PIEZO2: variants seen among roughly 807,000 people sequenced by gnomAD.
PIEZO2 encodes the protein piezo type mechanosensitive ion channel component 2.
A neutral mutation model predicts 337.3 loss-of-function variants in PIEZO2; 172 were observed. The observed-to-expected ratio is 0.51, with a 90% confidence interval of 0.45 to 0.58. PIEZO2 has a LOEUF of 0.58. PIEZO2 is among the 20% of genes least tolerant of loss of function. PIEZO2 has a pLI of 0.00. For missense variants in PIEZO2, 3,028 were observed against 3,391.3 expected (o/e 0.89, Z 2.66); for synonymous variants, 1,251 against 1,228.5 (o/e 1.02, Z -0.38).
Position 10,847,018 on chromosome 18 carries a change from C to A in PIEZO2, c.917+8335G>T, listed in dbSNP as rs1289564831. The stretch of plus-strand genomic sequence containing the variant: ...CACTCTGGGCTGGGCACTATCTTCA[C>A]CCCTATTTTATAAATAAGGAAACAG... On this transcript the variant is annotated intron_variant, in intron 7 of 55. Coordinates refer to ENST00000674853, the MANE Select transcript of PIEZO2 (RefSeq NM_001378183.1). The surrounding 1 kb of genome is among the most constrained non-coding windows in gnomAD (Gnocchi z 5.7). 6.6e-6 allele frequency among the ~76,000 whole-genome samples: 1 copy of A among 152,202 alleles called. No individual in the cohort carries two copies. The highest frequency in any genetic ancestry group is 1.5e-5 in the Non-Finnish European group (1 of 68,046).
intron 42 of PIEZO2, among the ~76,000 whole-genome samples, chr18:10,702,572 T>C (rs192441457): frequency 6.6e-6 from 1 of 152,380 alleles, no homozygotes. Flanking sequence ...TCTGTATTTC[T>C]TTAATTCGCA....
intron 36 of PIEZO2, among the ~76,000 whole-genome samples, chr18:10,721,599 G>A (rs956003082): frequency 6.6e-6 from 1 of 151,844 alleles, no homozygotes; most frequent in Non-Finnish European, 1.5e-5. Context: ...GGTAGTGAGA[G>A]GAGTTTGCCT....
intron 3 of PIEZO2, among the ~76,000 whole-genome samples, chr18:10,956,580 C>G (rs1365442095): frequency 6.6e-6 from 1 of 152,196 alleles, no homozygotes; most frequent in Non-Finnish European, 1.5e-5. Context: ...CTAAAACAAT[C>G]TTGGACAAGG....
chr18:10,928,577 T>C (rs1360214327), intron 3 of PIEZO2, among the ~76,000 whole-genome samples: 2 of 152,230 alleles, frequency 1.3e-5, no homozygotes, highest in African/African-American at 4.8e-5. Flanking sequence ...AAAAGTTTTG[T>C]TGTAAATGAA....
chr18:10,731,175 GATTAT>G lies in PIEZO2; in HGVS notation c.5029+227_5029+231del, dbSNP rs1388688871. Among the ~76,000 whole-genome samples, 8,015 of 117,062 alleles carry G rather than the reference GATTAT, an allele frequency of 0.068. 599 individuals are homozygous for G. Among genetic ancestry groups the G allele is most frequent in the Middle Eastern group, 0.089 (19 of 214 alleles). The allele number at this position is 117,062 out of a possible 152,430, so 76.8% of individuals were successfully genotyped here. ...AACTCTCCTTTTTTCCTACTTAAAAGATTATATATATATATATATATATATATATA... is the reference window on the plus strand; with the variant it reads ...AACTCTCCTTTTTTCCTACTTAAAAGATATATATATATATATATATATATA... On this transcript the variant is annotated intron_variant, in intron 36 of 55. Coordinates refer to ENST00000674853, the MANE Select transcript of PIEZO2 (RefSeq NM_001378183.1).
Position 10,952,944 on chromosome 18 carries a change from A to G in PIEZO2, c.286+26591T>C, listed in dbSNP as rs2033365244. On this transcript the variant is annotated intron_variant, in intron 3 of 55. Coordinates refer to ENST00000674853, the MANE Select transcript of PIEZO2 (RefSeq NM_001378183.1). The surrounding 1 kb of genome is among the most constrained non-coding windows in gnomAD (Gnocchi z 4.1). ...CTTCCTTCTTTTTTTCATTCTAAGAAGTATATAGTAGTCATCTCCGGTTTT... is the reference window on the plus strand; with the variant it reads ...CTTCCTTCTTTTTTTCATTCTAAGAGGTATATAGTAGTCATCTCCGGTTTT... Among the ~76,000 whole-genome samples, 1 of 150,828 alleles carries G rather than the reference A, an allele frequency of 6.6e-6. No individual in the cohort carries two copies. Among genetic ancestry groups the G allele is most frequent in the South Asian group, 2.1e-4 (1 of 4,760 alleles).
chr18:10,720,218 A>G (rs981620356), intron 36 of PIEZO2, among the ~76,000 whole-genome samples: 1 of 143,984 alleles, frequency 6.9e-6, no homozygotes, highest in Non-Finnish European at 1.5e-5. Context: ...GTATATATGA[A>G]TATATGTGTG....
chr18:11,109,001 T>C lies in PIEZO2; in HGVS notation c.64+39524A>G, dbSNP rs1289804088. Reference sequence around the variant, plus strand: ...TTGGGCAGAACTTGCCCCCTGTCAGTACCACCAGCACCAAGGTGGGGGCGA... The same window carrying C: ...TTGGGCAGAACTTGCCCCCTGTCAGCACCACCAGCACCAAGGTGGGGGCGA... On this transcript the variant is annotated intron_variant, in intron 1 of 55. Coordinates refer to ENST00000674853, the MANE Select transcript of PIEZO2 (RefSeq NM_001378183.1). This position sits in a 1 kb window ranked among gnomAD's most constrained non-coding sequence, Gnocchi z 5.1. Among the ~76,000 whole-genome samples, 2 of 152,216 alleles carry C rather than the reference T, an allele frequency of 1.3e-5. No individual in the cohort carries two copies. Among genetic ancestry groups the C allele is most frequent in the Non-Finnish European group, 2.9e-5 (2 of 68,040 alleles).
chr18:11,140,394 T>C (rs2040609410), intron 1 of PIEZO2, among the ~76,000 whole-genome samples: 2 of 152,206 alleles, frequency 1.3e-5, no homozygotes, highest in African/African-American at 4.8e-5. Flanking sequence ...CAGAGCCCTT[T>C]CTAAGCCCTG....
intron 4 of PIEZO2, among the ~76,000 whole-genome samples, chr18:10,906,780 C>T (rs192296896): frequency 2.0e-4 from 31 of 152,128 alleles, no homozygotes; most frequent in African/African-American, 7.0e-4. Context: ...AGGCTGGTCT[C>T]GAACTCCTGA....
intron 38 of PIEZO2, among the ~76,000 whole-genome samples, chr18:10,715,145 A>G (rs2035962852): frequency 6.6e-6 from 1 of 152,204 alleles, no homozygotes; most frequent in East Asian, 1.9e-4. Flanking sequence ...TAGGTAGATA[A>G]TTTTGCCAAA....
intron 7 of PIEZO2, among the ~76,000 whole-genome samples, chr18:10,822,873 A>C (rs2040561709): frequency 6.6e-6 from 1 of 152,248 alleles, no homozygotes; most frequent in Non-Finnish European, 1.5e-5. Flanking sequence ...TTAAACTTGG[A>C]AATTAACATT....
intron 4 of PIEZO2, among the ~76,000 whole-genome samples, chr18:10,897,442 G>T (rs1477126390): frequency 1.3e-5 from 2 of 152,178 alleles, no homozygotes; most frequent in East Asian, 3.8e-4. Context: ...ACTCGCCTCA[G>T]CCTCCCAAAA....
At chr18:10,793,545 G>A (rs910066997) in intron 13 of PIEZO2, among the ~76,000 whole-genome samples, 1 of 152,128 alleles carries the variant, frequency 6.6e-6, no homozygotes, top group African/African-American at 2.4e-5. Context: ...TTGCTATTCG[G>A]AGTGAGACTG....
At chr18:11,005,283 G>A (rs2035678804) in intron 2 of PIEZO2, among the ~76,000 whole-genome samples, 1 of 152,122 alleles carries the variant, frequency 6.6e-6, no homozygotes, top group African/African-American at 2.4e-5. Context: ...ATTCCTTTAG[G>A]AAAATAATAA....
intron 1 of PIEZO2, among the ~76,000 whole-genome samples, chr18:11,075,618 A>C (rs539740640): frequency 1.1e-4 from 17 of 152,190 alleles, no homozygotes; most frequent in African/African-American, 4.1e-4. Context: ...AAGTTACAAA[A>C]ATTATTTCTT....
At chr18:10,687,316 T>C (rs2034589828) in intron 49 of PIEZO2, among the ~76,000 whole-genome samples, 1 of 151,996 alleles carries the variant, frequency 6.6e-6, no homozygotes, top group Non-Finnish European at 1.5e-5. Context: ...CCCGCCCCAG[T>C]GTGTGTTGTT....
chr18:10,715,638 C>T lies in PIEZO2; in HGVS notation c.5256+12G>A. On this transcript the variant is annotated intron_variant, in intron 38 of 55. Transcript: ENST00000674853. ...TGGGAAGGAGCAAAAAGAATTACAC[C>T]AGCAGTGTTACCTTCTTAATTTCTC... 6.6e-7 allele frequency: 1 copy of T among 1,509,700 alleles called. No individual in the cohort carries two copies. Among genetic ancestry groups the T allele is most frequent in the African/African-American group, 1.4e-5 (1 of 71,924 alleles). 93.5% of individuals were successfully genotyped at this position (1,509,700 alleles called of 1,614,324 possible).
chr18:10,726,356 C>T lies in PIEZO2; in HGVS notation c.5029+5051G>A. 1.3e-6 allele frequency: 2 copies of T among 1,507,962 alleles called. No individual in the cohort carries two copies. The highest frequency in any genetic ancestry group is 2.6e-5 in the South Asian group (2 of 78,386). 93.4% of individuals were successfully genotyped at this position (1,507,962 alleles called of 1,614,324 possible). ...CCCGCCCAGCGCTGCCTCCCTTCGC[C>T]TTCCCCGCAGGCACCCACTACCTGC... On this transcript the variant is annotated intron_variant, in intron 36 of 55. Coordinates refer to ENST00000674853, the MANE Select transcript of PIEZO2 (RefSeq NM_001378183.1). The surrounding 1 kb of genome is among the most constrained non-coding windows in gnomAD (Gnocchi z 5.9).
Sources: allele counts gnomAD v4.1 joint callset (sites outside exome capture counted in the v4.1 genomes callset), GRCh38; gene constraint gnomAD v4.1.1; non-coding constraint Gnocchi (gnomAD v3.1); transcripts MANE v1.5; gene names NCBI Gene and HGNC (gene_info 2026-07-23, HGNC 2026-07-21).